The following HTT variants were observed in gnomAD, a reference collection of about 807,000 sequenced individuals.
HTT encodes huntington disease protein.
Under a neutral mutation model 362.3 loss-of-function variants are expected in HTT, and 104 were observed. The ratio of observed to expected loss-of-function variants is 0.29; its 90% CI spans 0.24 to 0.34. The LOEUF (loss-of-function observed/expected upper bound fraction) is 0.34. Ranked by LOEUF, HTT falls within the 10% of genes least tolerant of loss-of-function variation. The pLI is 1.00. For missense variants in HTT, 3,301 were observed against 3,928.6 expected, an observed-to-expected ratio of 0.84 and a Z score of 4.27; for synonymous variants, 1,577 against 1,548.7, an observed-to-expected ratio of 1.02 and a Z score of -0.43.
At chr4:3,194,893 C>G (rs1322410681) in intron 40 of HTT, among the ~76,000 whole-genome samples, 2 of 152,162 alleles carry the variant, frequency 1.3e-5, no homozygotes, top group African/African-American at 2.4e-5. Context: ...AATTATAATG[C>G]TGGGAGCAAT....
chr4:3,242,956 C>A lies in HTT; in HGVS notation c.*2897C>A, dbSNP rs1721877793. On this transcript the variant is annotated 3_prime_UTR_variant, in exon 67 of 67. Coordinates refer to ENST00000355072, the MANE Select transcript of HTT (RefSeq NM_001388492.1). ...CCCTCATTTCTGCCAGCGCATGTGT[C>A]CTTTCAAGGGGAAAATGTGAAGCTG... 1 of 152,284 alleles carries A rather than the reference C, an allele frequency of 6.6e-6. No individual in the cohort carries two copies. The highest frequency in any genetic ancestry group is 2.1e-4 in the South Asian group (1 of 4,822). 9.4% of individuals were successfully genotyped at this position (152,284 alleles called of 1,614,324 possible). A position where few individuals can be genotyped will look rare whatever the true frequency, so the allele number is the denominator to read the frequency against.
In HTT at chr4:3,207,274, C is replaced by G. The variant is rs1461055292; in HGVS notation, c.6076-7C>G. 1.9e-6 allele frequency: 3 copies of G among 1,612,996 alleles called. No homozygotes were observed. Among genetic ancestry groups the G allele is most frequent in the South Asian group, 2.2e-5 (2 of 90,916 alleles). ...TACAAACACACTAATGTGTTTTTGT[C>G]TATTAGAGCAGCATGGCCCAGTTGC... On this transcript the variant is annotated splice_region_variant and splice_polypyrimidine_tract_variant and intron_variant, in intron 44 of 66. Transcript: ENST00000355072.
chr4:3,098,846 A>C (rs1221933685), intron 2 of HTT, among the ~76,000 whole-genome samples: 1 of 152,266 alleles, frequency 6.6e-6, no homozygotes, highest in Non-Finnish European at 1.5e-5. Flanking sequence ...GAGTAAAAGT[A>C]AACTTTTGGT....
At position 3,131,315 on chromosome 4, in the gene HTT, G is replaced by C; in HGVS notation, c.2016G>C (p.Gln672His). The C allele has an allele frequency of 6.2e-7, 1 of 1,614,040 alleles. No homozygotes were observed. Among genetic ancestry groups the C allele is most frequent in the Non-Finnish European group, 8.5e-7 (1 of 1,179,952 alleles). The change falls in exon 15 of 67, where the codon CAG (glutamine) becomes CAC (histidine). Residue 672 changes from glutamine (Q) to histidine (H), a missense_variant. Physicochemically the swap from Gln to His is conservative, Grantham distance 24 (BLOSUM62 0). Coordinates refer to ENST00000355072, the MANE Select transcript of HTT (RefSeq NM_001388492.1). ...KPCRIKGDIG[Q>H]STDDDSAPLV... is the part of the protein sequence containing the mutation. ...GCCGCATCAAAGGTGACATTGGACA[G>C]TCCACTGATGATGACTCTGCACCTC...
In HTT at chr4:3,223,577, A is replaced by G; in HGVS notation, c.7625+17A>G. Reference sequence around the variant, plus strand: ...CGACACCAGGTTTGCTTGAGTTCCCACGTGTCTCTGGGACATAGCAGGTGC... The same window carrying G: ...CGACACCAGGTTTGCTTGAGTTCCCGCGTGTCTCTGGGACATAGCAGGTGC... On this transcript the variant is annotated intron_variant, in intron 55 of 66. Coordinates refer to ENST00000355072, the MANE Select transcript of HTT (RefSeq NM_001388492.1). 1 of 1,593,436 alleles carries G rather than the reference A, an allele frequency of 6.3e-7. No homozygotes were observed. The highest frequency in any genetic ancestry group is 8.6e-7 in the Non-Finnish European group (1 of 1,167,648).
chr4:3,224,654 G>A (rs1720826757), intron 56 of HTT, among the ~76,000 whole-genome samples: 1 of 152,242 alleles, frequency 6.6e-6, no homozygotes, highest in Non-Finnish European at 1.5e-5. Flanking sequence ...TTTAAAAGAA[G>A]AGAGTTGTGT....
intron 39 of HTT, 188 bp downstream of exon 39, chr4:3,188,074 A>C: frequency 1.8e-6 from 1 of 557,148 alleles, no homozygotes; most frequent in Non-Finnish European, 3.2e-6. Flanking sequence ...ACCTGTCTTG[A>C]AGTTCTGTCA....
Position 3,228,624 on chromosome 4 carries a change from C to T in HTT, c.7858C>T (p.His2620Tyr). ...MSYKLGQVSI[H>Y]SVWLGNSITP... ...CCCGTTTCTGTGGCAGGTGTCCATACACTCCGTGTGGCTGGGGAACAGCAT... is the reference window on the plus strand; with the variant it reads ...CCCGTTTCTGTGGCAGGTGTCCATATACTCCGTGTGGCTGGGGAACAGCAT... Residue 2620 changes from histidine to tyrosine, a missense_variant, in exon 58 of 67, where the codon CAC becomes TAC. His to Tyr is a moderately conservative substitution (Grantham distance 83, BLOSUM62 2). Transcript: ENST00000355072. The surrounding 1 kb of genome is among the most constrained non-coding windows in gnomAD (Gnocchi z 4.3). 6.4e-7 allele frequency: 1 copy of T among 1,574,522 alleles called. No homozygotes were observed. The highest frequency in any genetic ancestry group is 2.2e-5 in the East Asian group (1 of 44,604).
chr4:3,215,800 T>C (rs1310801517), intron 51 of HTT, among the ~76,000 whole-genome samples: 2 of 152,168 alleles, frequency 1.3e-5, no homozygotes, highest in Admixed American at 1.3e-4. Context: ...TTCCTCCCAA[T>C]TCTAGAGTAG....
rs149656687 is a variant in HTT at position 3,199,691 on chromosome 4, G to T, written c.5369-41G>T. 2.6e-5 allele frequency: 41 copies of T among 1,580,424 alleles called. No individual in the cohort carries two copies. In the East Asian group the frequency reaches 7.2e-4, roughly 28 times the overall value. On this transcript the variant is annotated intron_variant, in intron 40 of 66. Coordinates refer to ENST00000355072, the MANE Select transcript of HTT (RefSeq NM_001388492.1). ...TCGCGTAGCCATGTGGCACTGGACCGAGATGAAAGCAAAGACATTTCTCCT... is the reference window on the plus strand; with the variant it reads ...TCGCGTAGCCATGTGGCACTGGACCTAGATGAAAGCAAAGACATTTCTCCT...
chr4:3,198,192 C>T lies in HTT; in HGVS notation c.5369-1540C>T, dbSNP rs3025828. On this transcript the variant is annotated intron_variant, in intron 40 of 66. Transcript: ENST00000355072. ...ACTCTGTTTTTACCTGTTTTAGGAC[C>T]CTTTCACTTTGGGGATGTGTTGATT... Among the ~76,000 whole-genome samples, 971 of 149,604 alleles carry T rather than the reference C, an allele frequency of 6.5e-3. 11 individuals carry two copies. Among genetic ancestry groups the T allele is most frequent in the African/African-American group, 0.022 (889 of 40,324 alleles).
At chr4:3,100,585 T>C (rs1332621436) in intron 3 of HTT, among the ~76,000 whole-genome samples, 1 of 152,270 alleles carries the variant, frequency 6.6e-6, no homozygotes, top group African/African-American at 2.4e-5. Context: ...CAGTGACGTA[T>C]ATCAGTTTCA....
In HTT at chr4:3,206,824, A is replaced by C; in HGVS notation, c.5916A>C (p.Lys1972Asn). 1 of 1,601,300 alleles carries C rather than the reference A, an allele frequency of 6.2e-7. No homozygotes were observed. Among genetic ancestry groups the C allele is most frequent in the Non-Finnish European group, 8.5e-7 (1 of 1,172,422 alleles). The change falls in exon 44 of 67, where the codon AAA (lysine) becomes AAC (asparagine). Residue 1972 changes from lysine to asparagine, a missense_variant. Transcript: ENST00000355072. The surrounding 1 kb of genome is among the most constrained non-coding windows in gnomAD (Gnocchi z 4.6). ...GCTGTTAGCCAACCATGCTGAAGAAAACTCTTCAGTGCTTGGAGGGGATCC... is the reference window on the plus strand; with the variant it reads ...GCTGTTAGCCAACCATGCTGAAGAACACTCTTCAGTGCTTGGAGGGGATCC... ...ENLSTPTMLK[K>N]TLQCLEGIHL...
intron 28 of HTT, among the ~76,000 whole-genome samples, chr4:3,157,972 C>T (rs1356479854): frequency 6.6e-6 from 1 of 151,658 alleles, no homozygotes; most frequent in African/African-American, 2.4e-5. Context: ...TCTGTCTGCT[C>T]ATCTATTAGA....
At position 3,243,544 on chromosome 4, in the gene HTT, A is replaced by T. The variant is rs1721917142; in HGVS notation, c.*3485A>T. The T allele has an allele frequency of 6.6e-6, 1 of 152,298 alleles. No homozygotes were observed. Among genetic ancestry groups the T allele is most frequent in the South Asian group, 2.1e-4 (1 of 4,826 alleles). The allele number at this position is 152,298 out of a possible 1,614,324, so 9.4% of individuals were successfully genotyped here. A position where few individuals can be genotyped will look rare whatever the true frequency, so the allele number is the denominator to read the frequency against. On this transcript the variant is annotated 3_prime_UTR_variant, in exon 67 of 67. Transcript: ENST00000355072. The stretch of plus-strand genomic sequence containing the variant: ...GAATGCCGCATGACAACTGAAGGCA[A>T]CCTGGAAGGTTCAGGGGCCGCTCTT...
chr4:3,098,888 T>G (rs566261727), intron 2 of HTT, among the ~76,000 whole-genome samples: 1 of 152,358 alleles, frequency 6.6e-6, no homozygotes, highest in South Asian at 2.1e-4. Context: ...GATTGAAGTA[T>G]CTGAAGTTTT....
At position 3,229,941 on chromosome 4, in the gene HTT, G is replaced by A. The variant is rs753876343; in HGVS notation, c.8164G>A (p.Val2722Met). ...GCGCAACCAGTTTGAGCTGATGTATGTGACGCTGACAGAACTGCGAAGGGT... is the reference window on the plus strand; with the variant it reads ...GCGCAACCAGTTTGAGCTGATGTATATGACGCTGACAGAACTGCGAAGGGT... Reference protein sequence around the residue: ...TERNQFELMYVTLTELRRVHP... With the variant: ...TERNQFELMYMTLTELRRVHP... Residue 2722 changes from valine (V) to methionine (M), a missense_variant, in exon 60 of 67, where the codon GTG (valine) becomes ATG (methionine). By Grantham distance (21) the Val-to-Met change is conservative. Transcript: ENST00000355072. The A allele has an allele frequency of 7.4e-6, 12 of 1,614,088 alleles. No homozygotes were observed. Among genetic ancestry groups the A allele is most frequent in the Non-Finnish European group, 9.3e-6 (11 of 1,180,006 alleles).
intron 25 of HTT, among the ~76,000 whole-genome samples, chr4:3,147,194 A>G (rs558331312): frequency 2.0e-5 from 3 of 152,288 alleles, no homozygotes; most frequent in East Asian, 1.9e-4. Flanking sequence ...AAGTAAACTC[A>G]TTTTGAATTT....
intron 37 of HTT, among the ~76,000 whole-genome samples, chr4:3,186,278 A>C (rs1473700701): frequency 6.6e-6 from 1 of 152,172 alleles, no homozygotes; most frequent in Non-Finnish European, 1.5e-5. Flanking sequence ...AAATGTTGGT[A>C]ATGATTGTGT....
Sources: gnomAD v4.1 joint callset for allele counts (sites outside exome capture counted in the v4.1 genomes callset) on GRCh38, gnomAD v4.1.1 for gene constraint, Gnocchi (gnomAD v3.1) non-coding constraint, MANE v1.5 for transcripts, NCBI Gene and HGNC (gene_info 2026-07-23, HGNC 2026-07-21) for gene names.